The following WDR36 variants were observed in gnomAD, a reference collection of about 807,000 sequenced individuals.
WDR36 encodes WD repeat domain 36.
In WDR36, 63 loss-of-function variants were observed where a neutral mutation model predicts 112.7. That is an observed-to-expected ratio of 0.56 (90% confidence interval 0.46 to 0.69). The LOEUF is 0.69. Ranked by LOEUF, WDR36 falls within the 30% of genes least tolerant of loss-of-function variation. The probability of loss-of-function intolerance (pLI) is 0.00; values close to 1 mark genes in which losing one functional copy is unlikely to be tolerated. For missense variants in WDR36, 1,226 were observed against 1,070.3 expected, an observed-to-expected ratio of 1.15 and a Z score of -2.03; for synonymous variants, 410 against 362.2, an observed-to-expected ratio of 1.13 and a Z score of -1.50.
chr5:111,115,917 T>C (rs1165522371), intron 16 of WDR36, among the ~76,000 whole-genome samples: 1 of 152,160 alleles, frequency 6.6e-6, no homozygotes, highest in Admixed American at 6.5e-5. Context: ...TTGTTTTTGA[T>C]CTAATAGAAA....
Position 111,123,790 on chromosome 5 carries a change from T to C in WDR36, c.2149-15T>C. ...AGATAATTCCTATTTTTCTTTCTCA[T>C]TTTCTCTTAATCAGAAAAAGAATAA... On this transcript the variant is annotated splice_polypyrimidine_tract_variant and intron_variant, in intron 19 of 22. Coordinates refer to ENST00000513710, the MANE Select transcript of WDR36 (RefSeq NM_139281.3). 4.3e-6 allele frequency: 7 copies of C among 1,613,054 alleles called. No individual in the cohort carries two copies. The highest frequency in any genetic ancestry group is 5.9e-6 in the Non-Finnish European group (7 of 1,179,718).
At chr5:111,114,682 TC>T (rs1753420536) in intron 16 of WDR36, among the ~76,000 whole-genome samples, 1 of 151,874 alleles carries the variant, frequency 6.6e-6, no homozygotes, top group Non-Finnish European at 1.5e-5. Context: ...AGTTGGTATT[TC>T]TTCAATTAAA....
At chr5:111,095,066 T>A (rs1229571276) in intron 2 of WDR36, 119 bp downstream of exon 2, 15 of 908,222 alleles carry the variant, frequency 1.7e-5, no homozygotes, top group Non-Finnish European at 2.5e-5. Flanking sequence ...CTTATAAACT[T>A]ACATTATCAG....
chr5:111,110,335 T>C, intron 13 of WDR36, 32 bp downstream of exon 13: 1 of 1,518,354 alleles, frequency 6.6e-7, no homozygotes, highest in Non-Finnish European at 9.1e-7. Flanking sequence ...TTTTTATTAA[T>C]GTAGATAGAT....
At chr5:111,115,553 CTTGTT>C (rs1753438857) in intron 16 of WDR36, among the ~76,000 whole-genome samples, 1 of 151,824 alleles carries the variant, frequency 6.6e-6, no homozygotes, top group Non-Finnish European at 1.5e-5. Context: ...CAGACTGTGT[CTTGTT>C]TTAAGTATGA....
intron 1 of WDR36, among the ~76,000 whole-genome samples, chr5:111,094,335 A>G (rs1006223538): frequency 6.6e-6 from 1 of 152,244 alleles, no homozygotes; most frequent in African/African-American, 2.4e-5. Context: ...AATTTGAGGC[A>G]CAGGGAGCTT....
At chr5:111,118,777 C>T (rs779534890) in intron 16 of WDR36, among the ~76,000 whole-genome samples, 2 of 152,094 alleles carry the variant, frequency 1.3e-5, no homozygotes, top group South Asian at 4.1e-4. Flanking sequence ...AACTGCTTCT[C>T]CAGTTAGTCA....
chr5:111,096,214 A>C (rs1752975780), intron 2 of WDR36, among the ~76,000 whole-genome samples: 1 of 152,242 alleles, frequency 6.6e-6, no homozygotes, highest in African/African-American at 2.4e-5. Context: ...TCACGTGAGA[A>C]ATGCTAAAGA....
chr5:111,092,382 C>G lies in WDR36; in HGVS notation c.-75C>G. 1.2e-6 allele frequency: 2 copies of G among 1,614,230 alleles called. No individual in the cohort carries two copies. Among genetic ancestry groups the G allele is most frequent in the Non-Finnish European group, 1.7e-6 (2 of 1,180,040 alleles). ...GCAGCTCTGGCAGAGGACTGTTCCA[C>G]TAGACACGCTGAAGGGACTGGGTAC... On this transcript the variant is annotated 5_prime_UTR_variant, in exon 1 of 23. Coordinates refer to ENST00000513710, the MANE Select transcript of WDR36 (RefSeq NM_139281.3).
rs188312507 is a variant in WDR36 at position 111,093,989 on chromosome 5, T to C, written c.163-931T>C. Among the ~76,000 whole-genome samples, 347 of 152,206 alleles carry C rather than the reference T, an allele frequency of 2.3e-3. 2 individuals are homozygous for C. Among genetic ancestry groups the C allele is most frequent in the African/African-American group, 7.7e-3 (320 of 41,522 alleles). ...TACACTGCTCAGATTAACCAATGCA[T>C]TGGGCTGTGACCTCTAAAACTGAAA... On this transcript the variant is annotated intron_variant, in intron 1 of 22. Coordinates refer to ENST00000513710, the MANE Select transcript of WDR36 (RefSeq NM_139281.3).
chr5:111,102,508 A>T, intron 6 of WDR36, 109 bp downstream of exon 6: 1 of 1,086,480 alleles, frequency 9.2e-7, no homozygotes. Flanking sequence ...TATATAGCTT[A>T]GTTTACCTTT....
chr5:111,102,210 T>G, intron 5 of WDR36, 135 bp from the exon 6 acceptor site: 1 of 692,542 alleles, frequency 1.4e-6, no homozygotes, highest in Non-Finnish European at 2.4e-6. Flanking sequence ...ATTAGCTTAA[T>G]CATCAGAATA....
chr5:111,107,968 G>T (rs373931984), intron 12 of WDR36, among the ~76,000 whole-genome samples: 29 of 151,084 alleles, frequency 1.9e-4, no homozygotes, highest in South Asian at 6.2e-4. Flanking sequence ...TGGCTCTTCT[G>T]GTCCCTTGCA....
At chr5:111,101,528 A>T (rs892076729) in intron 5 of WDR36, among the ~76,000 whole-genome samples, 2 of 151,874 alleles carry the variant, frequency 1.3e-5, no homozygotes, top group African/African-American at 4.8e-5. Context: ...TCTAATATTG[A>T]TGTAGCTAGA....
intron 1 of WDR36, among the ~76,000 whole-genome samples, chr5:111,094,001 C>T (rs1282854071): frequency 1.3e-5 from 2 of 151,574 alleles, no homozygotes; most frequent in African/African-American, 2.4e-5. Flanking sequence ...GGGCTGTGAC[C>T]TCTAAAACTG....
chr5:111,121,036 A>G lies in WDR36; in HGVS notation c.2043A>G (p.Glu681=), dbSNP rs761439226. The part of the protein sequence containing the change: ...VSEETVEPSD[E]LIEYDSPEQL... ...AAGAAACAGTAGAACCAAGTGATGA[A>G]TTGATAGAATATGATTCGCCAGAAC... Residue 681 remains glutamate, a synonymous_variant, in exon 19 of 23, where the codon GAA becomes GAG. Transcript: ENST00000513710. The G allele has an allele frequency of 9.9e-6, 16 of 1,613,464 alleles. No homozygotes were observed. In the African/African-American group the frequency reaches 1.9e-4, roughly 19 times the overall value.
intron 18 of WDR36, among the ~76,000 whole-genome samples, 181 bp downstream of exon 18, chr5:111,120,774 A>G (rs546166115): frequency 7.4e-4 from 112 of 152,284 alleles, no homozygotes; most frequent in African/African-American, 2.6e-3. Flanking sequence ...TTGATAAGCT[A>G]TCAAATAGTA....
chr5:111,117,192 C>G (rs1753472675), intron 16 of WDR36, among the ~76,000 whole-genome samples: 1 of 152,170 alleles, frequency 6.6e-6, no homozygotes, highest in African/African-American at 2.4e-5. Flanking sequence ...GTTATTGCTC[C>G]CTTCCCCATA....
chr5:111,106,812 T>G (rs1301540107), intron 11 of WDR36, among the ~76,000 whole-genome samples: 8 of 151,370 alleles, frequency 5.3e-5, no homozygotes, highest in Non-Finnish European at 8.9e-5. Context: ...CCTGATTGCC[T>G]TGCCCTACTC....
Sources: allele counts gnomAD v4.1 joint callset (sites outside exome capture counted in the v4.1 genomes callset), GRCh38; gene constraint gnomAD v4.1.1; transcripts MANE v1.5; gene names NCBI Gene and HGNC (gene_info 2026-07-23, HGNC 2026-07-21).